The following TYW1B variants were observed in gnomAD, a reference collection of about 807,000 sequenced individuals.
TYW1B encodes the protein tRNA-yW synthesizing protein 1 homolog B.
TYW1B carries 73 observed loss-of-function variants against 86.9 expected under a neutral mutation model. The observed-to-expected ratio is 0.84, with a 90% CI of 0.70 to 1.02. The LOEUF is 1.02. Among genes scored for constraint, TYW1B ranks in the 50% least tolerant of loss-of-function variants. TYW1B has a pLI of 0.00. For synonymous variants in TYW1B, 248 were observed against 292.8 expected, an observed-to-expected ratio of 0.85 and a Z score of 1.56; for missense variants, 637 against 827.4, an observed-to-expected ratio of 0.77 and a Z score of 2.82.
chr7:72,677,379 C>A (rs1198475767), intron 11 of TYW1B, among the ~76,000 whole-genome samples: 1 of 151,862 alleles, frequency 6.6e-6, no homozygotes, highest in Non-Finnish European at 1.5e-5. Context: ...AACTCCTGGG[C>A]TGAAGCAATC....
At chr7:72,712,617 C>T (rs1786691943) in intron 10 of TYW1B, among the ~76,000 whole-genome samples, 2 of 152,146 alleles carry the variant, frequency 1.3e-5, no homozygotes, top group African/African-American at 4.8e-5. Flanking sequence ...CATGAGCCAC[C>T]GCGCCTGGCT....
At chr7:72,812,435 T>TA (rs1426850225) in intron 3 of TYW1B, among the ~76,000 whole-genome samples, 2 of 152,168 alleles carry the variant, frequency 1.3e-5, no homozygotes, top group African/African-American at 4.8e-5. Flanking sequence ...TGTGTATCCT[T>TA]AGTCTTGATA....
chr7:72,644,483 G>A (rs1395340402), intron 11 of TYW1B, among the ~76,000 whole-genome samples: 1 of 151,260 alleles, frequency 6.6e-6, no homozygotes, highest in Non-Finnish European at 1.5e-5. Flanking sequence ...AGGAGGCAGA[G>A]GTTGCAGTAA....
In TYW1B at chr7:72,762,461, T is replaced by C. The variant is rs147795920; in HGVS notation, c.964+14955A>G. On this transcript the variant is annotated intron_variant, in intron 7 of 13. Transcript: ENST00000620995. Reference sequence around the variant, plus strand: ...CAACTCCTGTAACTTTTGTTTTTCCTAGTTCTAACTCTGCTGTTAGGGCCT... The same window carrying C: ...CAACTCCTGTAACTTTTGTTTTTCCCAGTTCTAACTCTGCTGTTAGGGCCT... Among the ~76,000 whole-genome samples the C allele has an allele frequency of 2.2e-3, 331 of 152,246 alleles. 3 individuals carry two copies. Among genetic ancestry groups the C allele is most frequent in the Non-Finnish European group, 3.7e-3 (249 of 67,990 alleles).
At chr7:72,721,626 ACACACACACACG>A (rs1395712116) in intron 9 of TYW1B, among the ~76,000 whole-genome samples, 1 of 147,800 alleles carries the variant, frequency 6.8e-6, no homozygotes, top group Admixed American at 6.6e-5. Flanking sequence ...ACACACATGC[ACACACACACACG>A]CACACACACA....
intron 10 of TYW1B, among the ~76,000 whole-genome samples, chr7:72,699,093 A>C (rs1338988906): frequency 1.3e-5 from 2 of 152,062 alleles, no homozygotes; most frequent in African/African-American, 4.8e-5. Flanking sequence ...GGAAAATGTA[A>C]TGGGTATAAA....
intron 6 of TYW1B, among the ~76,000 whole-genome samples, chr7:72,793,904 G>C (rs1554474023): frequency 6.6e-6 from 1 of 152,156 alleles, no homozygotes; most frequent in Non-Finnish European, 1.5e-5. Context: ...AGAGAGGCTA[G>C]AGGGAGCTGT....
At chr7:72,651,016 GC>G (rs1382055100) in intron 11 of TYW1B, among the ~76,000 whole-genome samples, 2 of 152,134 alleles carry the variant, frequency 1.3e-5, no homozygotes, top group Non-Finnish European at 2.9e-5. Context: ...TAAAGGCTAA[GC>G]ACAGGCAAGA....
chr7:72,662,141 A>G (rs1203062800), intron 11 of TYW1B, among the ~76,000 whole-genome samples: 4 of 152,222 alleles, frequency 2.6e-5, no homozygotes, highest in Non-Finnish European at 4.4e-5. Flanking sequence ...AGTGTTTTTC[A>G]GGGTCTACCA....
chr7:72,759,460 C>CATTT (rs35278015), intron 7 of TYW1B, among the ~76,000 whole-genome samples: 104,577 of 151,746 alleles, frequency 0.69, 36,996 homozygotes, highest in Non-Finnish European at 0.77. Flanking sequence ...GATTCTCAAA[C>CATTT]ATTTAGGCAT....
chr7:72,663,781 A>AC (rs1302426086), intron 11 of TYW1B, among the ~76,000 whole-genome samples: 1 of 150,626 alleles, frequency 6.6e-6, no homozygotes, highest in Admixed American at 6.6e-5. Context: ...AAAAAAAAAA[A>AC]AAAATCACTT....
At chr7:72,696,274 C>A (rs555557885) in intron 10 of TYW1B, among the ~76,000 whole-genome samples, 14 of 152,168 alleles carry the variant, frequency 9.2e-5, no homozygotes, top group African/African-American at 2.9e-4. Flanking sequence ...TAAAGCCTCT[C>A]CCCTTCTCTC....
At chr7:72,736,005 A>G (rs1367025612) in intron 8 of TYW1B, among the ~76,000 whole-genome samples, 2 of 152,192 alleles carry the variant, frequency 1.3e-5, no homozygotes, top group Non-Finnish European at 2.9e-5. Context: ...GCAACTGAAC[A>G]AAAATTTAAT....
rs1787022440 is a variant in TYW1B, at chr7:72,727,509, C to T, written c.1192+1313G>A. ...GTGGTCCCCAGTTGAATAACATCAA[C>T]ACCAACCAGAAACCTGTTAGAAATG... On this transcript the variant is annotated intron_variant, in intron 9 of 13. Transcript: ENST00000620995. Among the ~76,000 whole-genome samples the T allele has an allele frequency of 2.0e-5, 3 of 152,156 alleles. No homozygotes were observed. The South Asian group carries it at 6.2e-4, about 32-fold the overall frequency.
chr7:72,812,406 G>A (rs1461947534), intron 3 of TYW1B, among the ~76,000 whole-genome samples: 2 of 151,960 alleles, frequency 1.3e-5, no homozygotes, highest in Non-Finnish European at 2.9e-5. Context: ...TCCAATTTGC[G>A]GTTCAGGGAT....
intron 11 of TYW1B, among the ~76,000 whole-genome samples, chr7:72,681,285 C>T (rs1300530369): frequency 1.3e-5 from 2 of 152,190 alleles, no homozygotes; most frequent in African/African-American, 2.4e-5. Flanking sequence ...TGTCAGTCAC[C>T]GTGTTAAGGG....
At chr7:72,669,976 T>G (rs1239704153) in intron 11 of TYW1B, among the ~76,000 whole-genome samples, 7 of 127,364 alleles carry the variant, frequency 5.5e-5, no homozygotes, top group East Asian at 2.3e-4. Context: ...AATAAATAAA[T>G]AAAGATTAGC....
intron 8 of TYW1B, among the ~76,000 whole-genome samples, chr7:72,730,618 G>A (rs13242057): frequency 3.3e-5 from 5 of 149,302 alleles, no homozygotes; most frequent in African/African-American, 1.2e-4. Flanking sequence ...GAGAAGAAGA[G>A]GAGAAAAAGA....
intron 11 of TYW1B, among the ~76,000 whole-genome samples, chr7:72,671,152 C>T (rs549655836): frequency 6.5e-4 from 99 of 152,136 alleles, no homozygotes; most frequent in Non-Finnish European, 1.1e-3. Flanking sequence ...GCTATTTTTC[C>T]CCAGAAAAAT....
Sources: gnomAD v4.1 joint callset for allele counts (sites outside exome capture counted in the v4.1 genomes callset) on GRCh38, gnomAD v4.1.1 for gene constraint, MANE v1.5 for transcripts, NCBI Gene and HGNC (gene_info 2026-07-23, HGNC 2026-07-21) for gene names.